Variants in MAD1L1 observed in about 807,000 individuals in gnomAD.
MAD1L1 encodes mitotic arrest deficient 1 like 1, also known as mitotic spindle assembly checkpoint protein MAD1.
MAD1L1 carries 95 observed loss-of-function variants against 96.9 expected under a neutral mutation model. The observed-to-expected ratio is 0.98, with a 90% CI of 0.83 to 1.16. The LOEUF is 1.16. Ranked by LOEUF, MAD1L1 falls within the 50% of genes most tolerant of loss-of-function variation. The pLI is 0.00. For synonymous variants in MAD1L1, 473 were observed against 396.6 expected (o/e 1.19, Z -2.29); for missense variants, 1,007 against 954.4 (o/e 1.06, Z -0.73).
At chr7:2,221,945 G>A (rs1793629020) in intron 5 of MAD1L1, among the ~76,000 whole-genome samples, 1 of 152,156 alleles carries the variant, frequency 6.6e-6, no homozygotes, top group South Asian at 2.1e-4. Context: ...ACAGAAGCGA[G>A]GGCTGAGGGA....
At position 2,011,376 on chromosome 7, in the gene MAD1L1, C is replaced by T. The variant is rs549903103; in HGVS notation, c.1359+3126G>A. On this transcript the variant is annotated intron_variant, in intron 13 of 18. Transcript: ENST00000265854. ...GAGCATAGCACTCCTGCTGGGCCCCCGCCTTCACCTTGCAAACATGCTTAG... is the reference window on the plus strand; with the variant it reads ...GAGCATAGCACTCCTGCTGGGCCCCTGCCTTCACCTTGCAAACATGCTTAG... Among the ~76,000 whole-genome samples the T allele has an allele frequency of 1.1e-4, 17 of 152,192 alleles. No homozygotes were observed. In the South Asian group the frequency reaches 1.7e-3, roughly 15 times the overall value.
At chr7:2,104,528 G>A (rs1272102295) in intron 11 of MAD1L1, among the ~76,000 whole-genome samples, 1 of 152,208 alleles carries the variant, frequency 6.6e-6, no homozygotes, top group Non-Finnish European at 1.5e-5. Flanking sequence ...GAGACAGGCT[G>A]GGCTCAAATG....
At chr7:1,915,656 C>A (rs935814501) in intron 17 of MAD1L1, among the ~76,000 whole-genome samples, 1 of 152,176 alleles carries the variant, frequency 6.6e-6, no homozygotes, top group African/African-American at 2.4e-5. Context: ...ACAGCCAGGA[C>A]GAAATGTTCA....
At chr7:2,141,796 G>A (rs956680951) in intron 11 of MAD1L1, among the ~76,000 whole-genome samples, 1 of 152,192 alleles carries the variant, frequency 6.6e-6, no homozygotes, top group Non-Finnish European at 1.5e-5. Context: ...GGCAGGTGCC[G>A]CACAGACAGC....
intron 10 of MAD1L1, among the ~76,000 whole-genome samples, chr7:2,207,961 T>TG (rs1375865000): frequency 6.6e-6 from 1 of 152,176 alleles, no homozygotes; most frequent in Non-Finnish European, 1.5e-5. Context: ...GACATCCAGC[T>TG]GGTGACCCCT....
chr7:2,030,533 C>T (rs951408861), intron 12 of MAD1L1, among the ~76,000 whole-genome samples: 2 of 152,226 alleles, frequency 1.3e-5, no homozygotes, highest in Admixed American at 6.5e-5. Flanking sequence ...CCCTGAACAG[C>T]CTTGATGTGC....
intron 11 of MAD1L1, among the ~76,000 whole-genome samples, chr7:2,109,007 C>T (rs1301270430): frequency 2.0e-5 from 3 of 152,262 alleles, no homozygotes; most frequent in Non-Finnish European, 2.9e-5. Context: ...GACCCCCACC[C>T]GGCCATTCCA....
chr7:1,899,513 C>T (rs994540331), intron 17 of MAD1L1, among the ~76,000 whole-genome samples: 2 of 152,192 alleles, frequency 1.3e-5, no homozygotes, highest in African/African-American at 4.8e-5. Flanking sequence ...CAACCAGGCA[C>T]GGGATGGTCA....
chr7:1,882,183 C>T (rs879741243), intron 18 of MAD1L1, among the ~76,000 whole-genome samples: 4 of 152,218 alleles, frequency 2.6e-5, no homozygotes, highest in African/African-American at 7.2e-5. Context: ...AAGTACCCCA[C>T]CCTGGGCTGG....
At chr7:1,898,079 G>C (rs1479176555) in intron 18 of MAD1L1, 121 bp downstream of exon 18, 1 of 1,064,896 alleles carries the variant, frequency 9.4e-7, no homozygotes, top group Non-Finnish European at 1.4e-6. Context: ...TTCCCGCCCA[G>C]CCCTCCACAC....
chr7:2,028,477 G>A (rs191537750), intron 12 of MAD1L1, among the ~76,000 whole-genome samples: 27 of 150,748 alleles, frequency 1.8e-4, no homozygotes, highest in East Asian at 5.8e-4. Flanking sequence ...CATATAGTAC[G>A]TCCATGGATT....
At chr7:1,875,973 G>A (rs554469808) in intron 18 of MAD1L1, among the ~76,000 whole-genome samples, 12 of 152,330 alleles carry the variant, frequency 7.9e-5, no homozygotes, top group African/African-American at 1.4e-4. Flanking sequence ...TCCACAAGCC[G>A]GGAGGAGAGT....
chr7:1,886,337 G>A (rs1373940244), intron 18 of MAD1L1, among the ~76,000 whole-genome samples: 3 of 152,236 alleles, frequency 2.0e-5, no homozygotes, highest in Non-Finnish European at 2.9e-5. Flanking sequence ...TGCTTCAGAA[G>A]GAAAGAACAG....
At chr7:1,863,855 G>C (rs1003133452) in intron 18 of MAD1L1, among the ~76,000 whole-genome samples, 1 of 152,218 alleles carries the variant, frequency 6.6e-6, no homozygotes, top group Admixed American at 6.5e-5. Context: ...CTGGCAGGCC[G>C]AGCCAGGTGG....
intron 17 of MAD1L1, among the ~76,000 whole-genome samples, chr7:1,901,245 C>T (rs1787224919): frequency 6.6e-6 from 1 of 152,212 alleles, no homozygotes; most frequent in African/African-American, 2.4e-5. Flanking sequence ...ATGAATAATT[C>T]ACACGATGGT....
chr7:1,888,540 G>A (rs1562493389), intron 18 of MAD1L1, among the ~76,000 whole-genome samples: 1 of 83,640 alleles, frequency 1.2e-5, no homozygotes, highest in Admixed American at 1.3e-4. Context: ...GGTTGCCTGT[G>A]CGTGTGTGTG....
At chr7:2,197,205 A>G (rs957771142) in intron 10 of MAD1L1, among the ~76,000 whole-genome samples, 3 of 152,168 alleles carry the variant, frequency 2.0e-5, no homozygotes, top group Non-Finnish European at 4.4e-5. Context: ...CATCTGGCCA[A>G]CCTGTGTGCT....
chr7:1,843,670 G>A (rs1583527518), intron 18 of MAD1L1, among the ~76,000 whole-genome samples: 2 of 152,188 alleles, frequency 1.3e-5, no homozygotes, highest in South Asian at 2.1e-4. Context: ...AACCAAGGCC[G>A]GGAGGAGACC....
intron 14 of MAD1L1, among the ~76,000 whole-genome samples, chr7:1,987,743 G>A (rs1165018510): frequency 6.6e-6 from 1 of 152,242 alleles, no homozygotes; most frequent in Non-Finnish European, 1.5e-5. Flanking sequence ...GAGAGTGGAG[G>A]GTGCAGAGGG....
Sources: allele counts gnomAD v4.1 joint callset (sites outside exome capture counted in the v4.1 genomes callset), GRCh38; gene constraint gnomAD v4.1.1; transcripts MANE v1.5; gene names NCBI Gene and HGNC (gene_info 2026-07-23, HGNC 2026-07-21).